The following REN variants were observed in gnomAD, a reference collection of about 807,000 sequenced individuals.
REN encodes the protein angiotensin-forming enzyme.
In REN, 42 loss-of-function variants were observed where a neutral mutation model predicts 48.6. The observed-to-expected ratio is 0.86, with a 90% CI of 0.68 to 1.12. The LOEUF (loss-of-function observed/expected upper bound fraction) is 1.12, where lower values mean the gene tolerates loss of function less well. Among genes scored for constraint, REN ranks in the 50% most tolerant of loss-of-function variants. The pLI, the probability that REN is intolerant of heterozygous loss-of-function variation, is 0.00. For missense variants in REN, 443 were observed against 527.3 expected, an observed-to-expected ratio of 0.84 and a Z score of 1.57; for synonymous variants, 196 against 204.6, an observed-to-expected ratio of 0.96 and a Z score of 0.36.
At position 204,156,131 on chromosome 1, in the gene REN, G is replaced by A; in HGVS notation, c.960+47C>T. The stretch of plus-strand genomic sequence containing the variant: ...CTGGGGGATTTGTGAGCCGATACCA[G>A]GTGGCGCTCCCCCCACCCACAGCAC... On this transcript the variant is annotated intron_variant, in intron 8 of 9. Coordinates refer to ENST00000272190, the MANE Select transcript of REN (RefSeq NM_000537.4). This position sits in a 1 kb window ranked among gnomAD's most constrained non-coding sequence, Gnocchi z 4.2. The A allele has an allele frequency of 6.2e-7, 1 of 1,613,508 alleles. No homozygotes were observed. The highest frequency in any genetic ancestry group is 1.7e-4 in the Middle Eastern group (1 of 5,738).
intron 5 of REN, among the ~76,000 whole-genome samples, chr1:204,158,184 G>A (rs1314178305): frequency 6.7e-5 from 9 of 133,350 alleles, no homozygotes; most frequent in East Asian, 4.8e-4. Context: ...TGACACCCAC[G>A]TCGTCCACCT....
At chr1:204,158,226 C>T (rs1220506256) in intron 5 of REN, among the ~76,000 whole-genome samples, 2 of 151,966 alleles carry the variant, frequency 1.3e-5, no homozygotes, top group Admixed American at 6.6e-5. Context: ...CTTGCCCCCA[C>T]TTCCTCTAAA....
rs781572351 is a variant in REN at position 204,161,320 on chromosome 1, G to C, written c.345C>G (p.Ser115=). The C allele has an allele frequency of 4.4e-6, 7 of 1,608,746 alleles. No individual in the cohort carries two copies. The South Asian group carries it at 6.7e-5, about 15-fold the overall frequency. Residue 115 remains serine, a synonymous_variant, in exon 3 of 10, where the codon TCC becomes TCG. Transcript: ENST00000272190. ...AGGCAGTGTAGAGACGGCTGCACTT[G>C]GAGGAGGGCACCCAAACATTGGACG... is the stretch of plus-strand genomic sequence containing the variant. The part of the protein sequence containing the change: ...TGSSNVWVPS[S]KCSRLYTACV...
intron 5 of REN, 35 bp downstream of exon 5, chr1:204,159,363 TC>T: frequency 1.3e-6 from 2 of 1,588,102 alleles, no homozygotes; most frequent in Non-Finnish European, 8.6e-7. Flanking sequence ...TCCCCTCCTG[TC>T]CCCCCACCTC....
intron 5 of REN, among the ~76,000 whole-genome samples, chr1:204,158,444 A>C (rs1352683416): frequency 1.8e-5 from 2 of 113,970 alleles, no homozygotes; most frequent in Non-Finnish European, 3.3e-5. Context: ...TTGAGACTGG[A>C]TCTCACTCTG....
At position 204,156,234 on chromosome 1, in the gene REN, T is replaced by C; in HGVS notation, c.904A>G (p.Thr302Ala). 6.2e-7 allele frequency: 1 copy of C among 1,614,208 alleles called. No individual in the cohort carries two copies. The highest frequency in any genetic ancestry group is 8.5e-7 in the Non-Finnish European group (1 of 1,180,042). Reference protein sequence around the residue: ...DTGASYISGSTSSIEKLMEAL... With the variant: ...DTGASYISGSASSIEKLMEAL... ...TCCATGAGCTTCTCTATGGAGCTGG[T>C]AGAACCTGAGATGTAGGATGCACCG... Residue 302 changes from threonine to alanine, a missense_variant, in exon 8 of 10, where the codon ACC becomes GCC. Coordinates refer to ENST00000272190, the MANE Select transcript of REN (RefSeq NM_000537.4). The surrounding 1 kb of genome is among the most constrained non-coding windows in gnomAD (Gnocchi z 4.2).
rs758564400 is a variant in REN at position 204,156,683 on chromosome 1, A to T, written c.812T>A (p.Met271Lys). ...LIKTGVWQIQ[M>K]KGVSVGSSTL... ...AGGGTTGAGGATTTCTGACCCCTTC[A>T]TTTGAATCTGCCAGACACCAGTCTT... Residue 271 changes from methionine (M) to lysine (K), a missense_variant, in exon 7 of 10, where the codon ATG (methionine) becomes AAG (lysine). By Grantham distance (95) the Met-to-Lys change is moderately conservative (BLOSUM62 -1). Transcript: ENST00000272190. This position sits in a 1 kb window ranked among gnomAD's most constrained non-coding sequence, Gnocchi z 4.2. 1 of 1,613,784 alleles carries T rather than the reference A, an allele frequency of 6.2e-7. No homozygotes were observed. The highest frequency in any genetic ancestry group is 1.7e-5 in the Admixed American group (1 of 59,998).
chr1:204,166,093 G>T, intron 1 of REN, 103 bp downstream of exon 1: 1 of 934,846 alleles, frequency 1.1e-6, no homozygotes, highest in Non-Finnish European at 1.8e-6. Context: ...CTGTCCAGCT[G>T]ATCGTAAGGA....
At position 204,156,691 on chromosome 1, in the gene REN, C is replaced by G. The variant is rs1188646679; in HGVS notation, c.804G>C (p.Gln268His). ...YINLIKTGVW[Q>H]IQMKGVSVGS... The stretch of plus-strand genomic sequence containing the variant: ...GGATTTCTGACCCCTTCATTTGAAT[C>G]TGCCAGACACCAGTCTTGATGAGGT... The change falls in exon 7 of 10, where the codon CAG becomes CAC. Residue 268 changes from glutamine (Q) to histidine (H), a missense_variant. By Grantham distance (24) the Gln-to-His change is conservative (BLOSUM62 0). Transcript: ENST00000272190. This position sits in a 1 kb window ranked among gnomAD's most constrained non-coding sequence, Gnocchi z 4.2. 1 of 1,570,890 alleles carries G rather than the reference C, an allele frequency of 6.4e-7. No homozygotes were observed. Among genetic ancestry groups the G allele is most frequent in the Non-Finnish European group, 8.7e-7 (1 of 1,152,736 alleles).
At chr1:204,160,226 G>A (rs1421280257) in intron 4 of REN, among the ~76,000 whole-genome samples, 1 of 152,244 alleles carries the variant, frequency 6.6e-6, no homozygotes, top group Non-Finnish European at 1.5e-5. Context: ...CTCTGACCCT[G>A]GATTTCAGTC....
rs766049725 is a variant in REN at position 204,160,668 on chromosome 1, CT to C, written c.383del (p.Lys128SerfsTer43). On this transcript the variant is annotated frameshift_variant, in exon 4 of 10. Transcript: ENST00000272190. LOFTEE classifies it high-confidence loss of function. Reference sequence around the variant, plus strand: ...TGGAGGAATCCGAAGCATCGAAGAGCTTGTGATACACTGGCAGGGGGACAGA... The same window carrying C: ...TGGAGGAATCCGAAGCATCGAAGAGCTGTGATACACTGGCAGGGGGACAGA... ...SRLYTACVYHKLFDASDSSSY... is the reference protein window; with the variant it reads ...SRLYTACVYHXLFDASDSSSY... 1 of 1,613,118 alleles carries C rather than the reference CT, an allele frequency of 6.2e-7. No individual in the cohort carries two copies. The highest frequency in any genetic ancestry group is 8.5e-7 in the Non-Finnish European group (1 of 1,179,048).
At chr1:204,160,353 C>T (rs1339956664) in intron 4 of REN, among the ~76,000 whole-genome samples, 2 of 152,238 alleles carry the variant, frequency 1.3e-5, no homozygotes, top group African/African-American at 4.8e-5. Context: ...AACCACCCAA[C>T]GGTGAGCCCG....
At chr1:204,155,384 G>A (rs1029224504) in intron 9 of REN, among the ~76,000 whole-genome samples, 9 of 152,170 alleles carry the variant, frequency 5.9e-5, no homozygotes, top group Non-Finnish European at 1.2e-4. Context: ...CTAGATCCCA[G>A]GCAAACAATG....
At chr1:204,161,639 A>C (rs1430584862) in intron 2 of REN, among the ~76,000 whole-genome samples, 1 of 151,930 alleles carries the variant, frequency 6.6e-6, no homozygotes, top group Non-Finnish European at 1.5e-5. Context: ...AAATCAAAAC[A>C]TTGAGAATGA....
In REN at chr1:204,156,107, TG is replaced by T; in HGVS notation, c.960+70del. 1 of 1,607,236 alleles carries T rather than the reference TG, an allele frequency of 6.2e-7. No individual in the cohort carries two copies. The highest frequency in any genetic ancestry group is 8.5e-7 in the Non-Finnish European group (1 of 1,174,670). On this transcript the variant is annotated intron_variant, in intron 8 of 9. Coordinates refer to ENST00000272190, the MANE Select transcript of REN (RefSeq NM_000537.4). The surrounding 1 kb of genome is among the most constrained non-coding windows in gnomAD (Gnocchi z 4.2). ...AAGGCCTGAGATGGCCTCATTTGCC[TG>T]GGGGATTTGTGAGCCGATACCAGGT... is the stretch of plus-strand genomic sequence containing the variant.
In REN at chr1:204,154,953, T is replaced by A; in HGVS notation, c.*63A>T. The A allele has an allele frequency of 6.3e-7, 1 of 1,589,508 alleles. No individual in the cohort carries two copies. Among genetic ancestry groups the A allele is most frequent in the Non-Finnish European group, 8.6e-7 (1 of 1,163,486 alleles). ...GCATAAGCCCAGGCAGAGGGGCATC[T>A]CAGAGAGTGTTCCAGCTCTGGGCCA... On this transcript the variant is annotated 3_prime_UTR_variant, in exon 10 of 10. Coordinates refer to ENST00000272190, the MANE Select transcript of REN (RefSeq NM_000537.4).
At chr1:204,159,940 G>A (rs923453723) in intron 4 of REN, among the ~76,000 whole-genome samples, 1 of 152,144 alleles carries the variant, frequency 6.6e-6, no homozygotes, top group East Asian at 1.9e-4. Context: ...TATCATGGGC[G>A]AAGGGTTTCT....
intron 1 of REN, among the ~76,000 whole-genome samples, chr1:204,163,214 T>C (rs928509717): frequency 4.6e-5 from 7 of 152,216 alleles, no homozygotes; most frequent in Non-Finnish European, 8.8e-5. Flanking sequence ...TTCTTCTCAG[T>C]GGCTAGTCCT....
chr1:204,166,333 G>C lies in REN; in HGVS notation c.-40C>G. The C allele has an allele frequency of 1.9e-6, 3 of 1,550,060 alleles. No homozygotes were observed. Among genetic ancestry groups the C allele is most frequent in the Non-Finnish European group, 2.7e-6 (3 of 1,121,520 alleles). On this transcript the variant is annotated 5_prime_UTR_variant, in exon 1 of 10. Transcript: ENST00000272190. The stretch of plus-strand genomic sequence containing the variant: ...GGGGCTCTCTCTGAGATCCACTGAG[G>C]TTCTGTGGCTCCCTTAGCCCTTCCC...
Sources: allele counts gnomAD v4.1 joint callset (sites outside exome capture counted in the v4.1 genomes callset), GRCh38; gene constraint gnomAD v4.1.1; non-coding constraint Gnocchi (gnomAD v3.1); transcripts MANE v1.5; gene names NCBI Gene and HGNC (gene_info 2026-07-23, HGNC 2026-07-21).